Variants in ADAMTS20 observed in about 807,000 individuals in gnomAD.
The protein encoded by ADAMTS20 is A disintegrin and metalloproteinase with thrombospondin motifs 20.
In ADAMTS20, 225 loss-of-function variants were observed where a neutral mutation model predicts 260.1. That is an observed-to-expected ratio of 0.87 (90% CI 0.78 to 0.97). The LOEUF is 0.97. ADAMTS20 is among the 50% of genes least tolerant of loss of function. The pLI is 0.00. For missense variants in ADAMTS20, 2,400 were observed against 2,337.7 expected, an observed-to-expected ratio of 1.03 and a Z score of -0.55; for synonymous variants, 802 against 769.5, an observed-to-expected ratio of 1.04 and a Z score of -0.70.
At chr12:43,356,251 C>T (rs962589003) in intron 38 of ADAMTS20, among the ~76,000 whole-genome samples, 2 of 152,086 alleles carry the variant, frequency 1.3e-5, no homozygotes, top group African/African-American at 4.8e-5. Flanking sequence ...ATATCTATAG[C>T]CTATATATGG....
At chr12:43,524,846 T>C (rs553890849) in intron 3 of ADAMTS20, among the ~76,000 whole-genome samples, 1 of 152,274 alleles carries the variant, frequency 6.6e-6, no homozygotes, top group Non-Finnish European at 1.5e-5. Context: ...GAACACAGCT[T>C]CTAAGATTAT....
intron 2 of ADAMTS20, among the ~76,000 whole-genome samples, chr12:43,536,686 T>C (rs1943300014): frequency 6.6e-6 from 1 of 152,178 alleles, no homozygotes; most frequent in Admixed American, 6.5e-5. Context: ...TGAAAAAGTC[T>C]TGGCAGGTAA....
Position 43,383,702 on chromosome 12 carries a change from A to G in ADAMTS20, c.4653T>C (p.Asp1551=). ...LNCSTSCERK[D]SHQRMECTDN... ...CTGTGCACTCCATTCGTTGATGTGA[A>G]TCTTTTCTCTCACATGATGTTGAAC... The change falls in exon 31 of 39, where the codon GAT becomes GAC. Residue 1551 remains aspartate, a synonymous_variant. Coordinates refer to ENST00000389420, the MANE Select transcript of ADAMTS20 (RefSeq NM_025003.5). 1 of 1,613,916 alleles carries G rather than the reference A, an allele frequency of 6.2e-7. No homozygotes were observed. Among genetic ancestry groups the G allele is most frequent in the African/African-American group, 1.3e-5 (1 of 75,038 alleles).
chr12:43,528,937 A>G (rs1943184189), intron 3 of ADAMTS20, among the ~76,000 whole-genome samples: 1 of 152,216 alleles, frequency 6.6e-6, no homozygotes, highest in African/African-American at 2.4e-5. Flanking sequence ...ATCTACAAGA[A>G]ACTAAAATAA....
intron 11 of ADAMTS20, among the ~76,000 whole-genome samples, chr12:43,460,976 ATATATATATATATTTTTTTT>A (rs1342045451): frequency 2.1e-5 from 1 of 47,188 alleles, no homozygotes; most frequent in Non-Finnish European, 4.1e-5. Context: ...ATATATATAT[ATATATATATATATTTTTTTT>A]TTTTTTTTTT....
rs752083438 is a variant in ADAMTS20, at chr12:43,551,789, C to T, written c.91+42G>A. ...ACCTGCATGTCCCACTCGGGCCCCG[C>T]GCCCCCACTTAGCCGCTGAAGGCGT... On this transcript the variant is annotated intron_variant, in intron 1 of 38. Coordinates refer to ENST00000389420, the MANE Select transcript of ADAMTS20 (RefSeq NM_025003.5). The surrounding 1 kb of genome is among the most constrained non-coding windows in gnomAD (Gnocchi z 4.6). 8.7e-6 allele frequency: 14 copies of T among 1,600,140 alleles called. No individual in the cohort carries two copies. The highest frequency in any genetic ancestry group is 1.1e-5 in the Non-Finnish European group (13 of 1,169,076).
chr12:43,440,958 C>T (rs558226460), intron 16 of ADAMTS20, among the ~76,000 whole-genome samples: 65 of 151,430 alleles, frequency 4.3e-4, no homozygotes, highest in African/African-American at 1.5e-3. Context: ...CCAGCTACTC[C>T]GGAGGCTGAG....
intron 3 of ADAMTS20, among the ~76,000 whole-genome samples, chr12:43,518,601 T>C (rs187095616): frequency 6.6e-6 from 1 of 152,148 alleles, no homozygotes; most frequent in Non-Finnish European, 1.5e-5. Flanking sequence ...AAATCATTGG[T>C]ATTCTGATTC....
In ADAMTS20 at chr12:43,432,445, C is replaced by A. The variant is rs141562333; in HGVS notation, c.2955G>T (p.Gly985=). Residue 985 remains glycine (G), a synonymous_variant, in exon 21 of 39, where the codon GGG becomes GGT. Transcript: ENST00000389420. ...WSQCSRSCGG[G]ERSRESYCMN... ...TACAATAAGATTCTCGAGACCTTTC[C>A]CCTCCTCCACAACTCCTGGAACACT... 43 of 1,613,100 alleles carry A rather than the reference C, an allele frequency of 2.7e-5. No homozygotes were observed. Among genetic ancestry groups the A allele is most frequent in the Non-Finnish European group, 3.6e-5 (43 of 1,179,748 alleles).
rs1427819457 is a variant in ADAMTS20 at position 43,425,595 on chromosome 12, T to C, written c.4203A>G (p.Val1401=). The change falls in exon 28 of 39, where the codon GTA becomes GTG. Residue 1401 remains valine (V), a synonymous_variant. Coordinates refer to ENST00000389420, the MANE Select transcript of ADAMTS20 (RefSeq NM_025003.5). ...QILEDHNCEI[V]NKPPSVIQCH... ...ACTGTATTACGCTAGGTGGCTTGTT[T>C]ACAATTTCACAGTTGTGATCTTCTA... 1.2e-6 allele frequency: 2 copies of C among 1,611,272 alleles called. No individual in the cohort carries two copies. Among genetic ancestry groups the C allele is most frequent in the Non-Finnish European group, 1.7e-6 (2 of 1,178,418 alleles).
chr12:43,484,524 T>G (rs145734738), intron 7 of ADAMTS20, among the ~76,000 whole-genome samples: 1 of 152,090 alleles, frequency 6.6e-6, no homozygotes, highest in East Asian at 1.9e-4. Flanking sequence ...TTTACGAAAC[T>G]AGAAAATGCA....
At chr12:43,501,832 G>A (rs1041282028) in intron 4 of ADAMTS20, among the ~76,000 whole-genome samples, 2 of 152,098 alleles carry the variant, frequency 1.3e-5, no homozygotes, top group African/African-American at 4.8e-5. Context: ...GTTTCAAAGA[G>A]CAAAAAGATC....
chr12:43,358,284 G>A (rs1939786352), intron 37 of ADAMTS20, among the ~76,000 whole-genome samples: 1 of 152,162 alleles, frequency 6.6e-6, no homozygotes, highest in Non-Finnish European at 1.5e-5. Context: ...GTTGAGTCTA[G>A]AACTATCGAT....
chr12:43,497,789 T>G (rs1046842882), intron 4 of ADAMTS20, among the ~76,000 whole-genome samples: 1 of 152,088 alleles, frequency 6.6e-6, no homozygotes, highest in African/African-American at 2.4e-5. Flanking sequence ...TAACCATAAT[T>G]TAATGAAAGG....
chr12:43,408,006 A>G (rs568398061), intron 28 of ADAMTS20, among the ~76,000 whole-genome samples: 1 of 152,136 alleles, frequency 6.6e-6, no homozygotes, highest in Non-Finnish European at 1.5e-5. Flanking sequence ...TCCTGTTTGG[A>G]GTTTTTATTG....
chr12:43,511,683 C>T (rs1259973510), intron 3 of ADAMTS20, among the ~76,000 whole-genome samples: 3 of 152,192 alleles, frequency 2.0e-5, no homozygotes, highest in Admixed American at 2.0e-4. Flanking sequence ...CAGATATGTG[C>T]TCTTTGATTT....
chr12:43,367,920 T>C (rs777674656), intron 37 of ADAMTS20, among the ~76,000 whole-genome samples: 1 of 152,044 alleles, frequency 6.6e-6, no homozygotes, highest in Admixed American at 6.6e-5. Flanking sequence ...CCAACCACTC[T>C]ACCTGTCAAA....
At chr12:43,521,002 GCA>G (rs1943064429) in intron 3 of ADAMTS20, among the ~76,000 whole-genome samples, 1 of 152,148 alleles carries the variant, frequency 6.6e-6, no homozygotes. Flanking sequence ...AGCATCTTTT[GCA>G]AGAAGCATGT....
At chr12:43,404,846 C>T (rs1415328510) in intron 28 of ADAMTS20, among the ~76,000 whole-genome samples, 1 of 151,914 alleles carries the variant, frequency 6.6e-6, no homozygotes, top group Non-Finnish European at 1.5e-5. Context: ...TAAAGAAAAC[C>T]TAGTTTACCT....
Sources: gnomAD v4.1 joint callset for allele counts (sites outside exome capture counted in the v4.1 genomes callset) on GRCh38, gnomAD v4.1.1 for gene constraint, Gnocchi (gnomAD v3.1) non-coding constraint, MANE v1.5 for transcripts, NCBI Gene and HGNC (gene_info 2026-07-23, HGNC 2026-07-21) for gene names.